The following RANBP2 variants were observed in gnomAD, a reference collection of about 807,000 sequenced individuals.
RANBP2 encodes the protein E3 SUMO-protein ligase RanBP2.
A neutral mutation model predicts 303.6 loss-of-function variants in RANBP2; 57 were observed. The ratio of observed to expected loss-of-function variants is 0.19; its 90% CI spans 0.15 to 0.23. RANBP2 has a LOEUF of 0.23. Ranked by LOEUF, RANBP2 falls within the 10% of genes least tolerant of loss-of-function variation. RANBP2 has a pLI of 1.00. For missense variants in RANBP2, 3,138 were observed against 3,780.8 expected (o/e 0.83, Z 4.46); for synonymous variants, 1,167 against 1,301.5 (o/e 0.90, Z 2.23).
intron 14 of RANBP2, 73 bp from the exon 15 acceptor site, chr2:108,753,752 C>T: frequency 3.1e-6 from 5 of 1,610,586 alleles, no homozygotes; most frequent in Non-Finnish European, 4.2e-6. Context: ...AGGCATGAGC[C>T]ACCATGCGTG....
chr2:108,738,017 A>T (rs2149142199), intron 6 of RANBP2, among the ~76,000 whole-genome samples: 1 of 144,170 alleles, frequency 6.9e-6, no homozygotes, highest in East Asian at 2.2e-4. Flanking sequence ...CCCAGCCCAC[A>T]CCTGGCTAAT....
chr2:108,794,508 A>G, the RANBP2 span: 1 of 1,558,854 alleles, frequency 6.4e-7, no homozygotes, highest in East Asian at 2.3e-5. Flanking sequence ...AAGTTAATAA[A>G]GTTTATAATG....
chr2:108,955,605 G>C, the RANBP2 span, among the ~76,000 whole-genome samples: 1 of 152,144 alleles, frequency 6.6e-6, no homozygotes, highest in African/African-American at 2.4e-5. Context: ...CTACCTGGGA[G>C]ACTGAAGCAG....
At chr2:108,889,296 ATC>A in the RANBP2 span, among the ~76,000 whole-genome samples, 1 of 152,146 alleles carries the variant, frequency 6.6e-6, no homozygotes, top group Admixed American at 6.5e-5. Flanking sequence ...TTCTGTAAAG[ATC>A]TGTTAGGACC....
chr2:109,266,924 A>T, the RANBP2 span, among the ~76,000 whole-genome samples: 2 of 152,206 alleles, frequency 1.3e-5, no homozygotes, highest in African/African-American at 4.8e-5. Context: ...GCAGGAGAGG[A>T]TGTCTGTGAG....
the RANBP2 span, among the ~76,000 whole-genome samples, chr2:109,516,515 G>A: frequency 2.0e-5 from 3 of 152,236 alleles, no homozygotes; most frequent in East Asian, 5.8e-4. Context: ...GTCACAGAGA[G>A]CCCGCCCTTC....
the RANBP2 span, among the ~76,000 whole-genome samples, chr2:109,144,989 G>C: frequency 6.6e-6 from 1 of 152,250 alleles, no homozygotes; most frequent in Non-Finnish European, 1.5e-5. Flanking sequence ...CGGCTCCTGG[G>C]CTCTAACAGG....
the RANBP2 span, among the ~76,000 whole-genome samples, chr2:109,342,069 G>A: frequency 1.1e-4 from 17 of 152,324 alleles, no homozygotes; most frequent in African/African-American, 2.9e-4. Context: ...ACACTTTTCT[G>A]CTGGCCACAT....
the RANBP2 span, among the ~76,000 whole-genome samples, chr2:109,406,848 C>T: frequency 6.6e-6 from 1 of 152,046 alleles, no homozygotes; most frequent in Non-Finnish European, 1.5e-5. Context: ...TTTCAGTGGT[C>T]GAAGCCAATC....
At chr2:109,438,974 ATC>A in the RANBP2 span, among the ~76,000 whole-genome samples, 3 of 152,196 alleles carry the variant, frequency 2.0e-5, no homozygotes, top group Non-Finnish European at 2.9e-5. Context: ...GGCCCCACTC[ATC>A]ACGGTGAGTC....
At chr2:109,614,871 C>T in the RANBP2 span, 1 of 1,421,580 alleles carries the variant, frequency 7.0e-7, no homozygotes, top group Non-Finnish European at 9.1e-7. Context: ...GGAGTCGCTC[C>T]CTGGACAGGG....
At chr2:108,897,600 T>G in the RANBP2 span, among the ~76,000 whole-genome samples, 132,802 of 152,132 alleles carry the variant, frequency 0.87, 58,346 homozygotes, top group East Asian at 1. Context: ...TGAGGAGGGG[T>G]TCAAAGGGAC....
chr2:109,379,410 C>T, the RANBP2 span, among the ~76,000 whole-genome samples: 1 of 152,080 alleles, frequency 6.6e-6, no homozygotes, highest in Non-Finnish European at 1.5e-5. Context: ...TCCCGTGGTC[C>T]CACTCTCCAG....
chr2:109,726,767 G>A, the RANBP2 span, among the ~76,000 whole-genome samples: 3 of 152,128 alleles, frequency 2.0e-5, no homozygotes, highest in African/African-American at 4.8e-5. Flanking sequence ...CACACCCTCC[G>A]GCCCACCGCA....
the RANBP2 span, among the ~76,000 whole-genome samples, chr2:109,449,768 T>G: frequency 6.6e-6 from 1 of 152,238 alleles, no homozygotes; most frequent in African/African-American, 2.4e-5. Flanking sequence ...GAAAATGCCT[T>G]AGTTCCATCT....
At chr2:109,461,173 A>G in the RANBP2 span, among the ~76,000 whole-genome samples, 9 of 152,226 alleles carry the variant, frequency 5.9e-5, no homozygotes, top group Admixed American at 2.0e-4. Flanking sequence ...CCATTTGGTC[A>G]TGGAATGCTG....
the RANBP2 span, chr2:109,732,710 C>T: frequency 2.5e-5 from 15 of 604,308 alleles, no homozygotes; most frequent in Middle Eastern, 4.4e-4. Context: ...CCTCGTGATC[C>T]GCCCGCCTTG....
At chr2:109,644,226 G>C in the RANBP2 span, among the ~76,000 whole-genome samples, 1 of 152,012 alleles carries the variant, frequency 6.6e-6, no homozygotes, top group Non-Finnish European at 1.5e-5. Flanking sequence ...AGAATCTCTT[G>C]AACCCAGGAG....
the RANBP2 span, among the ~76,000 whole-genome samples, chr2:108,870,098 A>AT: frequency 6.6e-6 from 1 of 152,366 alleles, no homozygotes; most frequent in South Asian, 2.1e-4. Context: ...AATATGCTCA[A>AT]TGAGTTAATG....
Sources: gnomAD v4.1 joint callset for allele counts (sites outside exome capture counted in the v4.1 genomes callset) on GRCh38, gnomAD v4.1.1 for gene constraint, MANE v1.5 for transcripts, NCBI Gene and HGNC (gene_info 2026-07-23, HGNC 2026-07-21) for gene names.